Variants in MYO1E observed in about 807,000 individuals in gnomAD.
MYO1E encodes the protein unconventional myosin-Ie.
In MYO1E, 68 loss-of-function variants were observed where a neutral mutation model predicts 151.1. That is an observed-to-expected ratio of 0.45 (90% confidence interval 0.37 to 0.55). MYO1E has a LOEUF of 0.55. Among genes scored for constraint, MYO1E ranks in the 20% least tolerant of loss-of-function variants. MYO1E has a pLI of 0.00. For synonymous variants in MYO1E, 601 were observed against 501.7 expected, an observed-to-expected ratio of 1.20 and a Z score of -2.64; for missense variants, 1,363 against 1,389.3, an observed-to-expected ratio of 0.98 and a Z score of 0.30.
intron 23 of MYO1E, 150 bp from the exon 24 acceptor site, chr15:59,161,380 C>G (rs187756984): frequency 2.7e-5 from 24 of 887,298 alleles, no homozygotes; most frequent in African/African-American, 1.3e-4. Flanking sequence ...TGAGGATGCG[C>G]ACCGCATCCA....
rs555832767 is a variant in MYO1E at position 59,154,197 on chromosome 15, AAAATTATG to A, written c.2879-414_2879-407del. On this transcript the variant is annotated intron_variant, in intron 25 of 27. Transcript: ENST00000288235. ...GGGAGACACCTTCTTGGGCCTAAGA[AAAATTATG>A]AGATTATGACTCAAGAGGGCTGACA... 5.3e-5 allele frequency among the ~76,000 whole-genome samples: 8 copies of A among 152,274 alleles called. No homozygotes were observed. The South Asian group carries it at 1.7e-3, about 32-fold the overall frequency.
chr15:59,146,696 A>G (rs2079443499), intron 26 of MYO1E, among the ~76,000 whole-genome samples: 1 of 148,666 alleles, frequency 6.7e-6, no homozygotes, highest in Non-Finnish European at 1.5e-5. Context: ...AAGGCTCATT[A>G]TATATATAAT....
intron 1 of MYO1E, among the ~76,000 whole-genome samples, chr15:59,327,357 C>T (rs1465351960): frequency 6.6e-6 from 1 of 151,320 alleles, no homozygotes; most frequent in African/African-American, 2.4e-5. Flanking sequence ...GATGGGGTCT[C>T]ACTCTATCAC....
At chr15:59,149,811 T>C (rs1476796586) in intron 26 of MYO1E, among the ~76,000 whole-genome samples, 1 of 152,236 alleles carries the variant, frequency 6.6e-6, no homozygotes, top group African/African-American at 2.4e-5. Flanking sequence ...CCTACTTTTA[T>C]AGATTGGTAA....
chr15:59,162,030 G>A (rs1315073653), intron 23 of MYO1E, among the ~76,000 whole-genome samples: 1 of 152,078 alleles, frequency 6.6e-6, no homozygotes, highest in Non-Finnish European at 1.5e-5. Flanking sequence ...AAAAAGAAAA[G>A]CTAAATAACT....
intron 1 of MYO1E, among the ~76,000 whole-genome samples, chr15:59,317,903 T>A (rs964180169): frequency 9.2e-5 from 14 of 152,096 alleles, no homozygotes; most frequent in Non-Finnish European, 1.0e-4. Flanking sequence ...ACAATTATTG[T>A]CACTTCCATT....
chr15:59,307,482 C>T (rs2080521525), intron 1 of MYO1E, among the ~76,000 whole-genome samples: 1 of 152,216 alleles, frequency 6.6e-6, no homozygotes, highest in Non-Finnish European at 1.5e-5. Context: ...GTTAATCCTG[C>T]TTATAATTCT....
chr15:59,319,797 G>C (rs1162089305), intron 1 of MYO1E, among the ~76,000 whole-genome samples: 1 of 152,002 alleles, frequency 6.6e-6, no homozygotes, highest in East Asian at 1.9e-4. Context: ...CAGCTACTCA[G>C]GAGGTTGAGG....
chr15:59,157,646 C>T (rs1240648311), intron 25 of MYO1E, among the ~76,000 whole-genome samples: 1 of 152,178 alleles, frequency 6.6e-6, no homozygotes, highest in Admixed American at 6.5e-5. Context: ...AGGAAGCTGG[C>T]AATTTGGGTA....
At chr15:59,174,274 C>T in intron 19 of MYO1E, 34 bp from the exon 20 acceptor site, 4 of 1,454,310 alleles carry the variant, frequency 2.8e-6, no homozygotes, top group Non-Finnish European at 1.9e-6. Flanking sequence ...GTGAGCCAAG[C>T]CCCAAGCCCC....
intron 1 of MYO1E, among the ~76,000 whole-genome samples, chr15:59,348,483 T>C (rs1290104966): frequency 2.0e-5 from 3 of 152,158 alleles, no homozygotes; most frequent in Non-Finnish European, 2.9e-5. Context: ...CCAGGAAGCT[T>C]TGAAAAGTAA....
chr15:59,153,453 C>T, intron 26 of MYO1E, 137 bp downstream of exon 26: 1 of 883,392 alleles, frequency 1.1e-6, no homozygotes, highest in Non-Finnish European at 1.8e-6. Context: ...AGCCTTGGGT[C>T]CTGGCATATA....
intron 26 of MYO1E, among the ~76,000 whole-genome samples, chr15:59,149,472 T>C (rs1255872975): frequency 7.4e-6 from 1 of 135,318 alleles, no homozygotes; most frequent in Admixed American, 8.1e-5. Flanking sequence ...GGCAAGATCC[T>C]GATTCCCACG....
intron 11 of MYO1E, 49 bp from the exon 12 acceptor site, chr15:59,214,363 A>G (rs748399309): frequency 2.2e-6 from 3 of 1,392,970 alleles, no homozygotes; most frequent in South Asian, 2.3e-5. Flanking sequence ...AAATCATTTA[A>G]AAGTCATTTC....
intron 9 of MYO1E, among the ~76,000 whole-genome samples, chr15:59,220,926 A>T (rs1246150871): frequency 0.18 from 540 of 3,040 alleles, 9 homozygotes; most frequent in Admixed American, 0.19. Flanking sequence ...CCCATCTCTT[A>T]AAAAAAAAAA....
At chr15:59,356,631 C>G (rs1370597799) in intron 1 of MYO1E, among the ~76,000 whole-genome samples, 1 of 152,116 alleles carries the variant, frequency 6.6e-6, no homozygotes, top group Non-Finnish European at 1.5e-5. Context: ...GAAACAGGGT[C>G]TCTCTCTGCA....
intron 1 of MYO1E, among the ~76,000 whole-genome samples, chr15:59,347,306 G>A (rs1471204958): frequency 2.0e-5 from 3 of 152,148 alleles, no homozygotes; most frequent in Non-Finnish European, 4.4e-5. Flanking sequence ...GATTATCTGA[G>A]GTGGAACAGT....
intron 16 of MYO1E, among the ~76,000 whole-genome samples, chr15:59,200,329 A>G (rs2079793098): frequency 6.6e-6 from 1 of 152,214 alleles, no homozygotes; most frequent in African/African-American, 2.4e-5. Context: ...CATGAGTCAG[A>G]CACTTCACGC....
intron 15 of MYO1E, 141 bp downstream of exon 15, chr15:59,205,258 GA>G (rs1469758538): frequency 3.5e-6 from 3 of 853,228 alleles, no homozygotes; most frequent in Non-Finnish European, 6.0e-6. Context: ...AAACTCCTAG[GA>G]TCAAGTGATC....
Sources: allele counts gnomAD v4.1 joint callset (sites outside exome capture counted in the v4.1 genomes callset), GRCh38; gene constraint gnomAD v4.1.1; transcripts MANE v1.5; gene names NCBI Gene and HGNC (gene_info 2026-07-23, HGNC 2026-07-21).